The following ANKS1B variants were observed in gnomAD, a reference collection of about 807,000 sequenced individuals.
The protein encoded by ANKS1B is ankyrin repeat and sterile alpha motif domain containing 1B.
In ANKS1B, 36 loss-of-function variants were observed where a neutral mutation model predicts 148.3. The observed-to-expected ratio is 0.24, with a 90% CI of 0.19 to 0.32. ANKS1B has a LOEUF of 0.32. Ranked by LOEUF, ANKS1B falls within the 10% of genes least tolerant of loss-of-function variation. The pLI, the probability that ANKS1B is intolerant of heterozygous loss-of-function variation, is 1.00. For missense variants in ANKS1B, 1,157 were observed against 1,542.6 expected, an observed-to-expected ratio of 0.75 and a Z score of 4.19; for synonymous variants, 542 against 560.8, an observed-to-expected ratio of 0.97 and a Z score of 0.47.
intron 1 of ANKS1B, among the ~76,000 whole-genome samples, chr12:99,965,891 G>A (rs1415554848): frequency 6.6e-6 from 1 of 152,112 alleles, no homozygotes; most frequent in Non-Finnish European, 1.5e-5. Flanking sequence ...CAGCCTGGGC[G>A]ACAAAGTGAG....
intron 12 of ANKS1B, among the ~76,000 whole-genome samples, chr12:99,384,786 T>C (rs934139285): frequency 6.6e-6 from 1 of 152,232 alleles, no homozygotes; most frequent in Admixed American, 6.5e-5. Context: ...CCTATAACTA[T>C]GTTCATATTG....
intron 12 of ANKS1B, among the ~76,000 whole-genome samples, chr12:99,312,777 TAA>T (rs2083361940): frequency 6.6e-6 from 1 of 151,540 alleles, no homozygotes; most frequent in African/African-American, 2.4e-5. Flanking sequence ...GGCTTTGTGT[TAA>T]GAGGGAAATT....
chr12:98,838,373 T>C (rs2099387177), intron 17 of ANKS1B, among the ~76,000 whole-genome samples: 1 of 152,226 alleles, frequency 6.6e-6, no homozygotes, highest in Non-Finnish European at 1.5e-5. Flanking sequence ...ATGTTCTGCA[T>C]GAAATCTCAA....
chr12:99,218,155 A>G (rs1299634721), intron 14 of ANKS1B, among the ~76,000 whole-genome samples: 1 of 152,170 alleles, frequency 6.6e-6, no homozygotes, highest in Non-Finnish European at 1.5e-5. Context: ...AGCTTCTTGG[A>G]TGAAAAGATG....
chr12:99,847,394 C>T (rs574515772), intron 1 of ANKS1B, among the ~76,000 whole-genome samples: 5 of 152,286 alleles, frequency 3.3e-5, no homozygotes, highest in Non-Finnish European at 5.9e-5. Context: ...TTACTCTAAC[C>T]TTCTCCGACC....
intron 16 of ANKS1B, among the ~76,000 whole-genome samples, chr12:99,078,797 T>C (rs1287705157): frequency 6.7e-6 from 1 of 149,908 alleles, no homozygotes; most frequent in African/African-American, 2.4e-5. Flanking sequence ...CACGCCCTTG[T>C]GTAAACACCT....
intron 16 of ANKS1B, among the ~76,000 whole-genome samples, chr12:99,083,247 C>A (rs1599637697): frequency 6.6e-6 from 1 of 152,234 alleles, no homozygotes; most frequent in South Asian, 2.1e-4. Context: ...GAAAGTATAG[C>A]CTCTCTAGAA....
chr12:99,631,162 C>T (rs1254943887), intron 9 of ANKS1B, among the ~76,000 whole-genome samples: 7 of 152,096 alleles, frequency 4.6e-5, no homozygotes, highest in Non-Finnish European at 7.4e-5. Flanking sequence ...TACCCAGTCT[C>T]GGGTATGTCT....
chr12:98,794,873 A>G, intron 22 of ANKS1B: 1 of 1,603,480 alleles, frequency 6.2e-7, no homozygotes. Flanking sequence ...CAAAACATCC[A>G]TCTTATCCGA....
chr12:98,794,688 C>T, intron 22 of ANKS1B: 2 of 936,586 alleles, frequency 2.1e-6, no homozygotes, highest in South Asian at 1.3e-5. Context: ...GTGGATAATT[C>T]ATTTGAATTT....
At chr12:98,972,279 G>A (rs1349965884) in intron 17 of ANKS1B, among the ~76,000 whole-genome samples, 4 of 152,194 alleles carry the variant, frequency 2.6e-5, no homozygotes, top group Non-Finnish European at 4.4e-5. Flanking sequence ...TGCTAATGTT[G>A]GAAGAAAAAT....
intron 8 of ANKS1B, among the ~76,000 whole-genome samples, chr12:99,657,385 A>G (rs1439645144): frequency 2.6e-5 from 4 of 152,148 alleles, no homozygotes; most frequent in African/African-American, 9.7e-5. Flanking sequence ...AACCACACTG[A>G]TGTAAATAAT....
chr12:99,814,379 A>T (rs10778025), intron 2 of ANKS1B, among the ~76,000 whole-genome samples: 95,575 of 151,508 alleles, frequency 0.63, 30,519 homozygotes, highest in South Asian at 0.73. Context: ...TATACCAATA[A>T]TAGCACTTGT....
Position 99,655,205 on chromosome 12 carries a change from G to A in ANKS1B, c.1134C>T (p.Thr378=), listed in dbSNP as rs574196402. ...LGKNGSQSVR[T]SSTINLSPGE... ...CTGGTGACAAATTGATTGTAGATGAGGTTCTCTGAAATTAAATTTATATCA... is the reference window on the plus strand; with the variant it reads ...CTGGTGACAAATTGATTGTAGATGAAGTTCTCTGAAATTAAATTTATATCA... The change falls in exon 9 of 27, where the codon ACC becomes ACT. Residue 378 remains threonine (T), a synonymous_variant. Coordinates refer to ENST00000683438, the MANE Select transcript of ANKS1B (RefSeq NM_001352186.2). 5 of 1,604,536 alleles carry A rather than the reference G, an allele frequency of 3.1e-6. No individual in the cohort carries two copies. The South Asian group carries it at 5.6e-5, about 18-fold the overall frequency.
At chr12:98,866,073 C>T (rs903958565) in intron 17 of ANKS1B, among the ~76,000 whole-genome samples, 1 of 152,096 alleles carries the variant, frequency 6.6e-6, no homozygotes, top group Non-Finnish European at 1.5e-5. Flanking sequence ...CTCCCAAAGG[C>T]CCCACCTCCT....
chr12:98,753,131 G>A (rs540227661), intron 25 of ANKS1B, among the ~76,000 whole-genome samples: 5 of 152,310 alleles, frequency 3.3e-5, no homozygotes, highest in Admixed American at 2.0e-4. Flanking sequence ...GCCAAGCAGC[G>A]CCTGGGAGAA....
intron 17 of ANKS1B, among the ~76,000 whole-genome samples, chr12:99,051,025 A>G (rs1036610037): frequency 3.3e-5 from 5 of 152,026 alleles, no homozygotes; most frequent in African/African-American, 1.2e-4. Context: ...GTCTCAAGTC[A>G]AGGCTGATTG....
intron 17 of ANKS1B, among the ~76,000 whole-genome samples, chr12:98,889,508 C>T (rs1006703034): frequency 7.9e-5 from 12 of 152,088 alleles, no homozygotes; most frequent in Admixed American, 1.3e-4. Flanking sequence ...CCACCACATC[C>T]GGTTAATCTT....
chr12:99,010,480 T>A lies in ANKS1B; in HGVS notation c.2778+42677A>T, dbSNP rs187897096. Among the ~76,000 whole-genome samples the A allele has an allele frequency of 2.8e-4, 42 of 152,304 alleles. No individual in the cohort carries two copies. The East Asian group carries it at 7.7e-3, about 28-fold the overall frequency. On this transcript the variant is annotated intron_variant, in intron 17 of 26. Transcript: ENST00000683438. ...ACTGGGGAAGGAGTGAGGACCAACA[T>A]ATATTGCATATGTATGCCCCAGATA...
Sources: gnomAD v4.1 joint callset for allele counts (sites outside exome capture counted in the v4.1 genomes callset) on GRCh38, gnomAD v4.1.1 for gene constraint, MANE v1.5 for transcripts, NCBI Gene and HGNC (gene_info 2026-07-23, HGNC 2026-07-21) for gene names.